SUCO: variants seen among roughly 807,000 people sequenced by gnomAD.
SUCO encodes the protein SUN domain containing ossification factor, also known as SUN domain-containing ossification factor.
SUCO carries 57 observed loss-of-function variants against 148.1 expected under a neutral mutation model. The observed-to-expected ratio is 0.38, with a 90% CI of 0.31 to 0.48. The LOEUF is 0.48. Among genes scored for constraint, SUCO ranks in the 20% least tolerant of loss-of-function variants. The pLI is 0.96. For missense variants in SUCO, 1,331 were observed against 1,468.2 expected (o/e 0.91, Z 1.53); for synonymous variants, 470 against 502.7 (o/e 0.93, Z 0.87).
chr1:172,577,260 T>C (rs1236033268), intron 11 of SUCO: 1 of 167,560 alleles, frequency 6.0e-6, no homozygotes, highest in African/African-American at 2.4e-5. Context: ...AACAGCTATA[T>C]AAAATAACAG....
intron 19 of SUCO, 48 bp downstream of exon 19, chr1:172,591,119 A>T (rs974908892): frequency 7.1e-7 from 1 of 1,404,662 alleles, no homozygotes. Flanking sequence ...TTTCCACTGA[A>T]TTCTGTAGGG....
rs116719025 is a variant in SUCO, at chr1:172,551,578, A to T, written c.129A>T (p.Gln43His). The change falls in exon 2 of 24, where the codon CAA becomes CAT. Residue 43 changes from glutamine to histidine, a missense_variant. Gln to His is a conservative substitution (Grantham distance 24, BLOSUM62 0). Transcript: ENST00000263688. ...CTTCAGCGTCATCATATTACTCTCA[A>T]GATGACAACTGCGCACTAGAAAATG... ...SSASASSYYS[Q>H]DDNCALENED... 3.6e-5 allele frequency: 58 copies of T among 1,611,258 alleles called. No homozygotes were observed. Among genetic ancestry groups the T allele is most frequent in the Non-Finnish European group, 4.8e-5 (56 of 1,178,454 alleles).
rs1304771623 is a variant in SUCO, at chr1:172,533,631, T to C, written c.62+134T>C. ...GCCCCCGTGGAAGGGACAAACCGAT[T>C]ACTTCTCGACTCTCCATCTGACTGG... On this transcript the variant is annotated intron_variant, in intron 1 of 23. Coordinates refer to ENST00000263688, the MANE Select transcript of SUCO (RefSeq NM_014283.5). The C allele has an allele frequency of 2.6e-6, 3 of 1,151,514 alleles. No individual in the cohort carries two copies. The African/African-American group carries it at 4.7e-5, about 18-fold the overall frequency. 71.3% of individuals were successfully genotyped at this position (1,151,514 alleles called of 1,614,324 possible).
intron 6 of SUCO, among the ~76,000 whole-genome samples, chr1:172,558,497 G>A (rs1653909463): frequency 6.6e-6 from 1 of 151,402 alleles, no homozygotes; most frequent in Non-Finnish European, 1.5e-5. Flanking sequence ...TCAGTGTGCT[G>A]ACTACCACAT....
At chr1:172,583,210 G>C (rs1415854012) in intron 15 of SUCO, among the ~76,000 whole-genome samples, 1 of 151,550 alleles carries the variant, frequency 6.6e-6, no homozygotes, top group Non-Finnish European at 1.5e-5. Flanking sequence ...GGAATACGGA[G>C]TTTCCATTTT....
intron 6 of SUCO, among the ~76,000 whole-genome samples, chr1:172,558,872 C>T (rs757400208): frequency 6.6e-6 from 1 of 152,158 alleles, no homozygotes; most frequent in African/African-American, 2.4e-5. Flanking sequence ...TGCTTGTTCT[C>T]CTTAGCAGAC....
rs377141254 is a variant in SUCO at position 172,609,875 on chromosome 1, G to A, written c.3381G>A (p.Leu1127=). 3 of 1,613,364 alleles carry A rather than the reference G, an allele frequency of 1.9e-6. No individual in the cohort carries two copies. The African/African-American group carries it at 4.0e-5, about 22-fold the overall frequency. The change falls in exon 24 of 24, where the codon TTG becomes TTA. Residue 1127 remains leucine (L), a synonymous_variant. Transcript: ENST00000263688. ...AGACCATAAAGCCTGAAGAACCATT[G>A]CACCCCATAGCCAATGGCGACATAA... The part of the protein sequence containing the change: ...KIETIKPEEP[L]HPIANGDIKG...
intron 1 of SUCO, among the ~76,000 whole-genome samples, chr1:172,548,088 A>G (rs1350309236): frequency 6.6e-6 from 1 of 151,966 alleles, no homozygotes; most frequent in African/African-American, 2.4e-5. Flanking sequence ...AACGGTTTGA[A>G]TTTTCTCCTG....
At chr1:172,562,341 T>A (rs977017099) in intron 6 of SUCO, among the ~76,000 whole-genome samples, 12 of 151,454 alleles carry the variant, frequency 7.9e-5, no homozygotes, top group African/African-American at 2.2e-4. Flanking sequence ...TTTTTTTTTT[T>A]TTTTTTATTT....
intron 2 of SUCO, 62 bp from the exon 3 acceptor site, chr1:172,553,198 T>C (rs1359647644): frequency 7.1e-7 from 1 of 1,416,474 alleles, no homozygotes; most frequent in Non-Finnish European, 9.3e-7. Context: ...ATCTTCGTAT[T>C]GCTTTATAAC....
At chr1:172,570,204 A>G (rs758305611) in intron 8 of SUCO, 33 bp downstream of exon 8, 3 of 1,384,842 alleles carry the variant, frequency 2.2e-6, no homozygotes, top group South Asian at 1.5e-5. Context: ...TTGTATATAT[A>G]GGAAATTAAC....
chr1:172,577,682 A>G, intron 12 of SUCO, 82 bp from the exon 13 acceptor site: 1 of 1,573,880 alleles, frequency 6.4e-7, no homozygotes, highest in Non-Finnish European at 8.7e-7. Context: ...TAGAAATGTT[A>G]TAATGAAAAA....
intron 8 of SUCO, 189 bp from the exon 9 acceptor site, chr1:172,570,474 A>G (rs1571228178): frequency 5.3e-6 from 3 of 563,808 alleles, no homozygotes; most frequent in Non-Finnish European, 9.5e-6. Flanking sequence ...TTGTAACACT[A>G]ATTTAATGCT....
chr1:172,602,658 C>A (rs1207478602), intron 21 of SUCO, 38 bp from the exon 22 acceptor site: 10 of 1,604,230 alleles, frequency 6.2e-6, no homozygotes, highest in Non-Finnish European at 8.5e-6. Context: ...ATGTGCTTTA[C>A]TCGTTGTAAC....
intron 20 of SUCO, 153 bp from the exon 21 acceptor site, chr1:172,601,911 T>C: frequency 3.0e-6 from 1 of 335,078 alleles, no homozygotes; most frequent in African/African-American, 2.2e-5. Context: ...TTTAATGTCA[T>C]AGTTTATTTT....
intron 19 of SUCO, chr1:172,599,275 G>A (rs1182324071): frequency 6.2e-6 from 1 of 162,384 alleles, no homozygotes; most frequent in Non-Finnish European, 1.3e-5. Context: ...CTTGCAGTGA[G>A]CTGAGATTGC....
intron 1 of SUCO, among the ~76,000 whole-genome samples, chr1:172,543,946 C>T (rs1652684713): frequency 6.6e-6 from 1 of 152,078 alleles, no homozygotes; most frequent in African/African-American, 2.4e-5. Context: ...TGGAGAGAAA[C>T]TAGGTTGCTT....
chr1:172,568,013 G>T (rs1654683568), intron 6 of SUCO, among the ~76,000 whole-genome samples: 1 of 152,168 alleles, frequency 6.6e-6, no homozygotes, highest in Admixed American at 6.5e-5. Context: ...ATCAGTGGTG[G>T]CATTAGAATC....
chr1:172,557,657 C>T lies in SUCO; in HGVS notation c.595C>T (p.His199Tyr). ...GGTTTTAAACAGCCTTGTTGGCCAG[C>T]ATATAGAAAATGTATCATCTTCACA... The part of the protein sequence containing the change: ...VSPPDSLVGQ[H>Y]IENVSSSHGK... The change falls in exon 6 of 24, where the codon CAT becomes TAT. Residue 199 changes from histidine to tyrosine, a missense_variant. Physicochemically the swap from His to Tyr is moderately conservative, Grantham distance 83. Around this residue, in one of 3 missense-constraint regions of SUCO, gnomAD observed 992 missense variants for 1,093.5 expected, o/e 0.91. Coordinates refer to ENST00000263688, the MANE Select transcript of SUCO (RefSeq NM_014283.5). The T allele has an allele frequency of 1.3e-6, 2 of 1,599,910 alleles. No homozygotes were observed. The highest frequency in any genetic ancestry group is 2.3e-5 in the South Asian group (2 of 87,836).
Sources: gnomAD v4.1 joint callset for allele counts (sites outside exome capture counted in the v4.1 genomes callset) on GRCh38, gnomAD v4.1.1 for gene constraint, gnomAD v4.1.1 regional missense constraint, MANE v1.5 for transcripts, NCBI Gene and HGNC (gene_info 2026-07-23, HGNC 2026-07-21) for gene names.